The following BPTF variants were observed in gnomAD, a reference collection of about 807,000 sequenced individuals.
BPTF encodes nucleosome-remodeling factor subunit BPTF.
BPTF carries 18 observed loss-of-function variants against 292.5 expected under a neutral mutation model. That is an observed-to-expected ratio of 0.06 (90% CI 0.04 to 0.09). The LOEUF is 0.09. Ranked by LOEUF, BPTF falls within the 10% of genes least tolerant of loss-of-function variation. The pLI is 1.00. For synonymous variants in BPTF, 1,225 were observed against 1,251.9 expected, an observed-to-expected ratio of 0.98 and a Z score of 0.45; for missense variants, 2,726 against 3,498.7, an observed-to-expected ratio of 0.78 and a Z score of 5.57.
chr17:67,834,420 G>A (rs1452173354), intron 1 of BPTF, among the ~76,000 whole-genome samples: 3 of 152,124 alleles, frequency 2.0e-5, no homozygotes, highest in Non-Finnish European at 4.4e-5. Flanking sequence ...TTGCATAAAT[G>A]TCAATTAGGT....
At chr17:67,889,692 C>G (rs894190518) in intron 4 of BPTF, among the ~76,000 whole-genome samples, 6 of 152,170 alleles carry the variant, frequency 3.9e-5, no homozygotes, top group African/African-American at 1.4e-4. Flanking sequence ...CCTGTAATCC[C>G]AGCTACTTGG....
intron 1 of BPTF, among the ~76,000 whole-genome samples, chr17:67,834,163 C>T (rs1303026123): frequency 2.6e-5 from 4 of 152,140 alleles, no homozygotes; most frequent in African/African-American, 9.7e-5. Flanking sequence ...GTTTCCCACC[C>T]GTATAACCTC....
At chr17:67,867,152 C>T (rs1368575263) in intron 3 of BPTF, among the ~76,000 whole-genome samples, 1 of 152,130 alleles carries the variant, frequency 6.6e-6, no homozygotes, top group Non-Finnish European at 1.5e-5. Context: ...CCAAGAGAAC[C>T]TTGTTCATTC....
Position 67,960,560 on chromosome 17 carries a change from G to GT in BPTF, c.8261+688dup, listed in dbSNP as rs1254111169. On this transcript the variant is annotated intron_variant, in intron 24 of 27. Coordinates refer to ENST00000306378, the MANE Select transcript of BPTF (RefSeq NM_182641.4). ...ATAGAGGCACTAAACCGTAAATGTA[G>GT]TTTCATTTTTTTGGTCATTACTATC... Among the ~76,000 whole-genome samples, 7 of 152,266 alleles carry GT rather than the reference G, an allele frequency of 4.6e-5. No homozygotes were observed. In the East Asian group the frequency reaches 1.4e-3, roughly 29 times the overall value.
intron 1 of BPTF, among the ~76,000 whole-genome samples, chr17:67,832,891 G>A (rs1292007976): frequency 3.4e-5 from 5 of 148,360 alleles, no homozygotes; most frequent in South Asian, 4.3e-4. Flanking sequence ...GGGTTTAAGC[G>A]ATTCTCCTGC....
At chr17:67,886,777 A>G (rs747874385) in intron 4 of BPTF, among the ~76,000 whole-genome samples, 25 of 152,130 alleles carry the variant, frequency 1.6e-4, no homozygotes, top group Non-Finnish European at 3.5e-4. Context: ...TTACTCAGTG[A>G]TACATGGAGA....
At chr17:67,864,201 C>T (rs2059254790) in intron 2 of BPTF, among the ~76,000 whole-genome samples, 1 of 152,062 alleles carries the variant, frequency 6.6e-6, no homozygotes, top group Non-Finnish European at 1.5e-5. Context: ...ATTATATAAA[C>T]TGTATATAGG....
intron 26 of BPTF, among the ~76,000 whole-genome samples, chr17:67,972,814 T>G (rs2068910829): frequency 6.6e-6 from 1 of 151,738 alleles, no homozygotes; most frequent in Admixed American, 6.6e-5. Flanking sequence ...AAGCAGTAAG[T>G]AACCAGAACA....
intron 4 of BPTF, among the ~76,000 whole-genome samples, chr17:67,882,207 T>C (rs951039200): frequency 6.6e-6 from 1 of 151,332 alleles, no homozygotes; most frequent in African/African-American, 2.4e-5. Flanking sequence ...CTTGGAATCA[T>C]TTTTTTTTCC....
intron 9 of BPTF, among the ~76,000 whole-genome samples, chr17:67,905,420 A>T (rs1468249355): frequency 2.0e-5 from 3 of 151,720 alleles, no homozygotes; most frequent in African/African-American, 7.3e-5. Flanking sequence ...AAAAAAAAAA[A>T]TTCAGGCCAG....
chr17:67,922,932 G>A lies in BPTF; in HGVS notation c.5650G>A (p.Glu1884Lys), dbSNP rs755540105. The A allele has an allele frequency of 1.1e-5, 17 of 1,614,112 alleles. No individual in the cohort carries two copies. Among genetic ancestry groups the A allele is most frequent in the Non-Finnish European group, 1.4e-5 (17 of 1,180,030 alleles). Residue 1884 changes from glutamate to lysine, a missense_variant, in exon 14 of 28, where the codon GAA becomes AAA. Glu to Lys is a moderately conservative substitution (Grantham distance 56). This residue lies in a region of BPTF where 198 missense variants were observed against 277.1 expected (regional missense o/e 0.71). Coordinates refer to ENST00000306378, the MANE Select transcript of BPTF (RefSeq NM_182641.4). ...TPKQTGPVII[E>K]TWVAEEELEL... is the part of the protein sequence containing the mutation. ...CAAGCAAACTGGCCCTGTTATTATT[G>A]AAACCTGGGTAGCAGAAGAAGAACT...
At position 67,957,991 on chromosome 17, in the gene BPTF, A is replaced by G. The variant is rs566958743; in HGVS notation, c.7927-1550A>G. On this transcript the variant is annotated intron_variant, in intron 23 of 27. Coordinates refer to ENST00000306378, the MANE Select transcript of BPTF (RefSeq NM_182641.4). ...TTCCAAGAGTAAGTTGTACCACTAG[A>G]TAGCAGAAGAGGTGTGCTTAAAAAG... Among the ~76,000 whole-genome samples, 4 of 152,316 alleles carry G rather than the reference A, an allele frequency of 2.6e-5. 1 individual carries two copies. Among genetic ancestry groups the G allele is most frequent in the African/African-American group, 9.6e-5 (4 of 41,570 alleles).
At chr17:67,855,117 A>G (rs2058614108) in intron 2 of BPTF, among the ~76,000 whole-genome samples, 2 of 152,146 alleles carry the variant, frequency 1.3e-5, no homozygotes, top group African/African-American at 4.8e-5. Context: ...CCTGGCCAAT[A>G]TGGTGAAACC....
chr17:67,926,316 CTTT>C (rs869295387), intron 15 of BPTF, among the ~76,000 whole-genome samples: 6 of 83,854 alleles, frequency 7.2e-5, no homozygotes, highest in Non-Finnish European at 1.4e-4. Flanking sequence ...TAATATACTA[CTTT>C]TTTTTTTTTT....
At chr17:67,981,735 A>T in intron 27 of BPTF, 1 of 984,064 alleles carries the variant, frequency 1.0e-6, no homozygotes, top group Non-Finnish European at 1.2e-6. Context: ...TACTAATGAA[A>T]GTTGTGAATA....
In BPTF at chr17:67,866,445, TC is replaced by T. The variant is rs770887877; in HGVS notation, c.1437-13del. The T allele has an allele frequency of 9.1e-6, 14 of 1,538,714 alleles. No individual in the cohort carries two copies. The East Asian group carries it at 3.1e-4, about 35-fold the overall frequency. ...CATTATGTCTAACATATAAAGTATT[TC>T]CCCCCATTTTTAAACAGAGAAGAAG... On this transcript the variant is annotated intron_variant, in intron 2 of 27. Transcript: ENST00000306378.
At chr17:67,844,774 AC>A (rs1185496266) in intron 1 of BPTF, among the ~76,000 whole-genome samples, 3 of 149,106 alleles carry the variant, frequency 2.0e-5, no homozygotes, top group Non-Finnish European at 4.5e-5. Context: ...ACGGAGTTTC[AC>A]TCTTGTTGCC....
intron 13 of BPTF, among the ~76,000 whole-genome samples, chr17:67,921,046 A>T (rs2063397921): frequency 6.6e-6 from 1 of 151,498 alleles, no homozygotes; most frequent in Admixed American, 6.6e-5. Context: ...ATCCCTACAA[A>T]ACATACAAAA....
At chr17:67,888,505 G>C (rs2060888202) in intron 4 of BPTF, among the ~76,000 whole-genome samples, 1 of 147,390 alleles carries the variant, frequency 6.8e-6, no homozygotes, top group African/African-American at 2.5e-5. Flanking sequence ...CAGGAGAATT[G>C]CTTGAACCCA....
Sources: allele counts gnomAD v4.1 joint callset (sites outside exome capture counted in the v4.1 genomes callset), GRCh38; gene constraint gnomAD v4.1.1; regional missense constraint gnomAD v4.1.1; transcripts MANE v1.5; gene names NCBI Gene and HGNC (gene_info 2026-07-23, HGNC 2026-07-21).